NMNAT2: variants seen among roughly 807,000 people sequenced by gnomAD.
NMNAT2 encodes nicotinamide/nicotinic acid mononucleotide adenylyltransferase 2.
Under a neutral mutation model 41.6 loss-of-function variants are expected in NMNAT2, and 11 were observed. That is an observed-to-expected ratio of 0.26 (90% CI 0.17 to 0.44). The LOEUF (loss-of-function observed/expected upper bound fraction) is 0.44. Ranked by LOEUF, NMNAT2 falls within the 20% of genes least tolerant of loss-of-function variation. The pLI, the probability that NMNAT2 is intolerant of heterozygous loss-of-function variation, is 1.00. For synonymous variants in NMNAT2, 148 were observed against 151.2 expected (o/e 0.98, Z 0.16); for missense variants, 288 against 407.7 (o/e 0.71, Z 2.53).
In NMNAT2 at chr1:183,389,062, C is replaced by T. The variant is rs560561542; in HGVS notation, c.85+29121G>A. 5.3e-5 allele frequency among the ~76,000 whole-genome samples: 8 copies of T among 152,294 alleles called. No homozygotes were observed. In the South Asian group the frequency reaches 6.2e-4, roughly 12 times the overall value. ...GGAATGGAGGAGAGCGTCAGCCTTACGCAGAGCACAGCACTTTGCTCTTCC... is the reference window on the plus strand; with the variant it reads ...GGAATGGAGGAGAGCGTCAGCCTTATGCAGAGCACAGCACTTTGCTCTTCC... On this transcript the variant is annotated intron_variant, in intron 1 of 10. Coordinates refer to ENST00000287713, the MANE Select transcript of NMNAT2 (RefSeq NM_015039.4).
At chr1:183,273,772 CCT>C (rs1455277222) in intron 8 of NMNAT2, among the ~76,000 whole-genome samples, 1 of 150,740 alleles carries the variant, frequency 6.6e-6, no homozygotes, top group African/African-American at 2.4e-5. Flanking sequence ...TTCCTTCCTT[CCT>C]CTTTCTTTCT....
intron 1 of NMNAT2, among the ~76,000 whole-genome samples, chr1:183,385,152 T>A (rs1648178309): frequency 6.6e-6 from 1 of 152,144 alleles, no homozygotes; most frequent in African/African-American, 2.4e-5. Context: ...CAGTGAGCTA[T>A]GATTGAGCCA....
intron 1 of NMNAT2, among the ~76,000 whole-genome samples, chr1:183,350,295 C>T (rs1663018860): frequency 6.6e-6 from 1 of 152,050 alleles, no homozygotes; most frequent in Admixed American, 6.6e-5. Flanking sequence ...GTCTCTGTTC[C>T]CAATCACCAG....
At chr1:183,266,785 C>T in intron 8 of NMNAT2, 1 of 207,490 alleles carries the variant, frequency 4.8e-6, no homozygotes, top group Non-Finnish European at 1.0e-5. Flanking sequence ...GCAAAAACTG[C>T]CTGACTCACT....
At chr1:183,278,707 G>A in intron 7 of NMNAT2, 78 bp from the exon 8 acceptor site, 1 of 989,676 alleles carries the variant, frequency 1.0e-6, no homozygotes, top group Non-Finnish European at 1.6e-6. Flanking sequence ...TTCTTCCCCT[G>A]GTGAATACAT....
intron 1 of NMNAT2, among the ~76,000 whole-genome samples, chr1:183,408,480 A>G (rs1365391858): frequency 2.0e-5 from 3 of 152,198 alleles, no homozygotes; most frequent in South Asian, 2.1e-4. Context: ...AAAATCGGGT[A>G]GCTGTCCACA....
intron 1 of NMNAT2, among the ~76,000 whole-genome samples, chr1:183,375,429 G>T (rs1183324651): frequency 6.6e-6 from 1 of 152,120 alleles, no homozygotes; most frequent in African/African-American, 2.4e-5. Flanking sequence ...TCCTGAGCCT[G>T]ACTTGCGCTT....
At chr1:183,332,040 C>A (rs766716154) in intron 1 of NMNAT2, among the ~76,000 whole-genome samples, 31 of 152,240 alleles carry the variant, frequency 2.0e-4, no homozygotes, top group Non-Finnish European at 4.0e-4. Flanking sequence ...GCCTCAGCCT[C>A]CCAAAGTGCT....
At chr1:183,417,121 C>T (rs1377438857) in intron 1 of NMNAT2, among the ~76,000 whole-genome samples, 1 of 152,212 alleles carries the variant, frequency 6.6e-6, no homozygotes, top group African/African-American at 2.4e-5. Context: ...CTTTCCGTGT[C>T]TAAACGCTCA....
At chr1:183,379,236 A>T (rs1046289522) in intron 1 of NMNAT2, among the ~76,000 whole-genome samples, 3 of 152,152 alleles carry the variant, frequency 2.0e-5, no homozygotes, top group African/African-American at 7.2e-5. Flanking sequence ...GCTGGAATGC[A>T]GTGGCATGAT....
intron 8 of NMNAT2, among the ~76,000 whole-genome samples, chr1:183,266,332 T>C (rs1382115062): frequency 1.3e-5 from 2 of 152,200 alleles, no homozygotes; most frequent in Non-Finnish European, 2.9e-5. Context: ...AGCCAAATTA[T>C]GTTGCTCCTT....
chr1:183,359,098 A>T (rs1663254736), intron 1 of NMNAT2, among the ~76,000 whole-genome samples: 1 of 151,762 alleles, frequency 6.6e-6, no homozygotes, highest in African/African-American at 2.4e-5. Context: ...TTAAAGTGTG[A>T]TCTAACTATG....
intron 1 of NMNAT2, among the ~76,000 whole-genome samples, chr1:183,328,865 C>T (rs1054071877): frequency 1.3e-5 from 2 of 152,184 alleles, no homozygotes; most frequent in Non-Finnish European, 2.9e-5. Flanking sequence ...CAATAGAAAT[C>T]CTTCCCCCGG....
At chr1:183,264,838 ACCCTCT>A (rs1420949713) in intron 8 of NMNAT2, among the ~76,000 whole-genome samples, 2 of 151,452 alleles carry the variant, frequency 1.3e-5, no homozygotes, top group African/African-American at 2.4e-5. Context: ...TCAGGACACT[ACCCTCT>A]CCTGGTTGCC....
Position 183,349,665 on chromosome 1 carries a change from C to T in NMNAT2, c.86-55872G>A, listed in dbSNP as rs536468318. On this transcript the variant is annotated intron_variant, in intron 1 of 10. Coordinates refer to ENST00000287713, the MANE Select transcript of NMNAT2 (RefSeq NM_015039.4). ...CAGAAAATAATATGGCTAAAATCCACGGCAGCAGTGGGTGGCCTGGGCCCA... is the reference window on the plus strand; with the variant it reads ...CAGAAAATAATATGGCTAAAATCCATGGCAGCAGTGGGTGGCCTGGGCCCA... Among the ~76,000 whole-genome samples the T allele has an allele frequency of 6.6e-5, 10 of 152,286 alleles. No homozygotes were observed. In the South Asian group the frequency reaches 1.0e-3, roughly 16 times the overall value.
chr1:183,377,685 A>G (rs1274094553), intron 1 of NMNAT2, among the ~76,000 whole-genome samples: 1 of 152,200 alleles, frequency 6.6e-6, no homozygotes, highest in Non-Finnish European at 1.5e-5. Context: ...CTACTGTCCT[A>G]TACAACATGT....
intron 8 of NMNAT2, among the ~76,000 whole-genome samples, chr1:183,261,826 C>G (rs529945117): frequency 6.6e-6 from 1 of 152,214 alleles, no homozygotes; most frequent in Non-Finnish European, 1.5e-5. Flanking sequence ...GAATGCATCA[C>G]TGGGCACCCA....
chr1:183,264,502 T>C (rs1660752769), intron 8 of NMNAT2, among the ~76,000 whole-genome samples: 1 of 152,126 alleles, frequency 6.6e-6, no homozygotes, highest in South Asian at 2.1e-4. Flanking sequence ...TAGGGCATCA[T>C]GGCAGGGGTT....
chr1:183,284,313 C>T (rs1354579883), intron 6 of NMNAT2, among the ~76,000 whole-genome samples: 1 of 152,220 alleles, frequency 6.6e-6, no homozygotes, highest in African/African-American at 2.4e-5. Context: ...CACACACACG[C>T]TCATGCTGAG....
Sources: gnomAD v4.1 joint callset for allele counts (sites outside exome capture counted in the v4.1 genomes callset) on GRCh38, gnomAD v4.1.1 for gene constraint, MANE v1.5 for transcripts, NCBI Gene and HGNC (gene_info 2026-07-23, HGNC 2026-07-21) for gene names.